TGFBR2: variants seen among roughly 807,000 people sequenced by gnomAD.
TGFBR2 encodes TGF-beta receptor type-2.
A neutral mutation model predicts 49.0 loss-of-function variants in TGFBR2; 18 were observed. The ratio of observed to expected loss-of-function variants is 0.37; its 90% CI spans 0.25 to 0.54. The LOEUF is 0.54. Ranked by LOEUF, TGFBR2 falls within the 20% of genes least tolerant of loss-of-function variation. The pLI, the probability that TGFBR2 is intolerant of heterozygous loss-of-function variation, is 0.85. For synonymous variants in TGFBR2, 282 were observed against 275.9 expected (o/e 1.02, Z -0.22); for missense variants, 525 against 722.6 (o/e 0.73, Z 3.13).
intron 1 of TGFBR2, among the ~76,000 whole-genome samples, chr3:30,620,182 G>T (rs1486467519): frequency 6.6e-6 from 1 of 152,114 alleles, no homozygotes; most frequent in African/African-American, 2.4e-5. Flanking sequence ...GTGAGACTCT[G>T]TCTCAAAACA....
rs760107571 is a variant in TGFBR2 at position 30,691,464 on chromosome 3, C to T, written c.1569C>T (p.His523=). Residue 523 remains histidine, a synonymous_variant, in exon 7 of 7, where the codon CAC becomes CAT. Transcript: ENST00000295754. Reference sequence around the variant, plus strand: ...AGACGTTGACTGAGTGCTGGGACCACGACCCAGAGGCCCGTCTCACAGCCC... The same window carrying T: ...AGACGTTGACTGAGTGCTGGGACCATGACCCAGAGGCCCGTCTCACAGCCC... The part of the protein sequence containing the change: ...VCETLTECWD[H]DPEARLTAQC... 2.7e-5 allele frequency: 43 copies of T among 1,613,954 alleles called. No individual in the cohort carries two copies. The highest frequency in any genetic ancestry group is 4.4e-5 in the South Asian group (4 of 91,080).
intron 1 of TGFBR2, 103 bp from the exon 2 acceptor site, chr3:30,644,644 C>T: frequency 2.7e-6 from 3 of 1,113,398 alleles, no homozygotes; most frequent in South Asian, 2.6e-5. Context: ...GATTCATTCT[C>T]ATGACATCAA....
chr3:30,606,560 T>G, upstream of TGFBR2: 1 of 300,800 alleles, frequency 3.3e-6, no homozygotes, highest in South Asian at 1.6e-4. Flanking sequence ...GCGAGGAGTT[T>G]CCTGTTTCCC....
intron 5 of TGFBR2, among the ~76,000 whole-genome samples, chr3:30,674,904 T>C (rs1471051409): frequency 6.6e-6 from 1 of 152,080 alleles, no homozygotes; most frequent in African/African-American, 2.4e-5. Context: ...CATTTTTCCC[T>C]GAACACACTG....
intron 3 of TGFBR2, among the ~76,000 whole-genome samples, chr3:30,661,090 C>CTTTCAGG (rs1235498649): frequency 6.6e-6 from 1 of 152,182 alleles, no homozygotes; most frequent in Non-Finnish European, 1.5e-5. Context: ...ATGTACCTTG[C>CTTTCAGG]TTTCAGGTTT....
intron 5 of TGFBR2, among the ~76,000 whole-genome samples, chr3:30,680,919 G>T (rs1405424366): frequency 6.6e-6 from 1 of 151,964 alleles, no homozygotes; most frequent in African/African-American, 2.4e-5. Context: ...TGGAAGGCGG[G>T]TGAAGGCGGG....
At chr3:30,648,763 C>G (rs1393348452) in intron 2 of TGFBR2, among the ~76,000 whole-genome samples, 1 of 152,120 alleles carries the variant, frequency 6.6e-6, no homozygotes, top group Non-Finnish European at 1.5e-5. Context: ...ACACATGTAC[C>G]TCCACTGGAG....
chr3:30,608,937 G>T (rs1299460740), intron 1 of TGFBR2, among the ~76,000 whole-genome samples: 4 of 152,164 alleles, frequency 2.6e-5, no homozygotes, highest in Non-Finnish European at 5.9e-5. Flanking sequence ...GATTATAAAA[G>T]AAGGAAATTA....
intron 1 of TGFBR2, among the ~76,000 whole-genome samples, chr3:30,638,690 T>G (rs185097891): frequency 1.2e-4 from 19 of 152,306 alleles, no homozygotes; most frequent in East Asian, 9.6e-4. Context: ...AAGGTGTTTG[T>G]TTGGTTGGTT....
In TGFBR2 at chr3:30,665,019, G is replaced by A. The variant is rs1205494547; in HGVS notation, c.455-6619G>A. ...ATTTATCCGAGCAATAGAAAGGGAC[G>A]TGGATGACAGTTTTTCGCACACCTT... On this transcript the variant is annotated intron_variant, in intron 3 of 6. Coordinates refer to ENST00000295754, the MANE Select transcript of TGFBR2 (RefSeq NM_003242.6). Among the ~76,000 whole-genome samples, 4 of 152,332 alleles carry A rather than the reference G, an allele frequency of 2.6e-5. 1 individual carries two copies. Among genetic ancestry groups the A allele is most frequent in the Middle Eastern group, 6.8e-3 (2 of 294 alleles).
chr3:30,607,430 A>G (rs945291397), intron 1 of TGFBR2, among the ~76,000 whole-genome samples: 1 of 152,242 alleles, frequency 6.6e-6, no homozygotes, highest in African/African-American at 2.4e-5. Context: ...TCAAAAGGCC[A>G]GCTCCTCAGT....
At chr3:30,631,070 C>A (rs1477758303) in intron 1 of TGFBR2, among the ~76,000 whole-genome samples, 1 of 122,302 alleles carries the variant, frequency 8.2e-6, no homozygotes, top group African/African-American at 3.1e-5. Context: ...AATACAGAGT[C>A]TTGCTCTGTC....
chr3:30,647,455 A>G (rs924839755), intron 2 of TGFBR2, among the ~76,000 whole-genome samples: 3 of 152,164 alleles, frequency 2.0e-5, no homozygotes, highest in Admixed American at 2.0e-4. Flanking sequence ...GGAAACCTAA[A>G]CTAAGACAGG....
chr3:30,693,138 C>T lies in TGFBR2; in HGVS notation c.*1539C>T, dbSNP rs1056384284. 20 of 233,226 alleles carry T rather than the reference C, an allele frequency of 8.6e-5. No homozygotes were observed. The highest frequency in any genetic ancestry group is 1.6e-4 in the Non-Finnish European group (19 of 118,000). The allele number at this position is 233,226 out of a possible 1,614,324, so 14.4% of individuals were successfully genotyped here. A position where few individuals can be genotyped will look rare whatever the true frequency, so the allele number is the denominator to read the frequency against. ...TAAAGGGGAACTCCTTTAAGGGTCT[C>T]AGTTAGCCCAAGTTTCTTTTGCTTA... On this transcript the variant is annotated 3_prime_UTR_variant, in exon 7 of 7. Transcript: ENST00000295754.
intron 3 of TGFBR2, among the ~76,000 whole-genome samples, chr3:30,654,715 C>T (rs992616491): frequency 3.3e-5 from 5 of 152,190 alleles, no homozygotes; most frequent in African/African-American, 1.2e-4. Flanking sequence ...CTGAAGGCAG[C>T]AGCACAGGAG....
intron 1 of TGFBR2, among the ~76,000 whole-genome samples, chr3:30,637,411 G>A (rs1412116546): frequency 1.3e-5 from 2 of 152,226 alleles, no homozygotes; most frequent in Non-Finnish European, 2.9e-5. Flanking sequence ...GAGGGAGCCA[G>A]AACACAGATA....
At chr3:30,640,313 G>C (rs1255780400) in intron 1 of TGFBR2, among the ~76,000 whole-genome samples, 3 of 152,090 alleles carry the variant, frequency 2.0e-5, no homozygotes, top group African/African-American at 7.2e-5. Flanking sequence ...TATGAATAAC[G>C]AATTTGCCTA....
intron 2 of TGFBR2, among the ~76,000 whole-genome samples, chr3:30,647,294 A>G (rs546178437): frequency 6.6e-6 from 1 of 152,312 alleles, no homozygotes; most frequent in Admixed American, 6.5e-5. Flanking sequence ...CCATTTTCAG[A>G]GTTTCCAAGG....
intron 5 of TGFBR2, among the ~76,000 whole-genome samples, chr3:30,680,177 C>A (rs144794008): frequency 8.1e-6 from 1 of 123,226 alleles, no homozygotes; most frequent in Admixed American, 1.2e-4. Context: ...AGTATGGATA[C>A]GATAGTCAGA....
Sources: allele counts gnomAD v4.1 joint callset (sites outside exome capture counted in the v4.1 genomes callset), GRCh38; gene constraint gnomAD v4.1.1; transcripts MANE v1.5; gene names NCBI Gene and HGNC (gene_info 2026-07-23, HGNC 2026-07-21).